Variants in F5 observed in about 807,000 individuals in gnomAD.
F5 encodes the protein activated protein c cofactor.
F5 carries 138 observed loss-of-function variants against 216.4 expected under a neutral mutation model. The observed-to-expected ratio is 0.64, with a 90% CI of 0.56 to 0.73. The LOEUF (loss-of-function observed/expected upper bound fraction) is 0.73, where lower values mean the gene tolerates loss of function less well. Among genes scored for constraint, F5 ranks in the 30% least tolerant of loss-of-function variants. F5 has a pLI of 0.00. For synonymous variants in F5, 916 were observed against 930.7 expected (o/e 0.98, Z 0.29); for missense variants, 2,403 against 2,674.0 (o/e 0.90, Z 2.24).
intron 2 of F5, 149 bp downstream of exon 2, chr1:169,582,282 G>A (rs1414609624): frequency 2.0e-6 from 1 of 504,054 alleles, no homozygotes; most frequent in African/African-American, 2.0e-5. Context: ...TTTGCACTGG[G>A]CCCCACATAT....
intron 3 of F5, 55 bp downstream of exon 3, chr1:169,572,165 TG>T: frequency 1.3e-6 from 2 of 1,550,446 alleles, no homozygotes. Flanking sequence ...ATGTTGATGC[TG>T]GTATTAAAGA....
chr1:169,581,666 C>A (rs1660989229), intron 2 of F5, among the ~76,000 whole-genome samples: 1 of 152,208 alleles, frequency 6.6e-6, no homozygotes, highest in South Asian at 2.1e-4. Flanking sequence ...CAAGGGGATT[C>A]AACTGGAGGA....
Position 169,542,629 on chromosome 1 carries a change from T to C in F5, c.2461A>G (p.Asn821Asp). The change falls in exon 13 of 25, where the codon AAT (asparagine) becomes GAT (aspartate). Residue 821 changes from asparagine (N) to aspartate (D), a missense_variant. Around this residue, in one of 4 missense-constraint regions of F5, gnomAD observed 1,425 missense variants for 1,554.8 expected, o/e 0.92. Transcript: ENST00000367797. Reference protein sequence around the residue: ...RHLIGKNSVLNSSTAEHSSPY... With the variant: ...RHLIGKNSVLDSSTAEHSSPY... ...CTGGAATGCTCTGCTGTGGAAGAAT[T>C]GAGAACTGAGTTCTTGCCAATGAGG... 1 of 1,614,072 alleles carries C rather than the reference T, an allele frequency of 6.2e-7. No individual in the cohort carries two copies. The highest frequency in any genetic ancestry group is 2.2e-5 in the East Asian group (1 of 44,888).
chr1:169,518,155 A>T (rs1659201803), intron 23 of F5, among the ~76,000 whole-genome samples: 1 of 152,198 alleles, frequency 6.6e-6, no homozygotes, highest in Non-Finnish European at 1.5e-5. Context: ...CTTTGCAGAA[A>T]AATTAATTTG....
chr1:169,570,411 C>T (rs1318618283), intron 3 of F5, among the ~76,000 whole-genome samples: 10 of 152,128 alleles, frequency 6.6e-5, no homozygotes, highest in Non-Finnish European at 1.5e-4. Context: ...ATGCAGTCGT[C>T]TAGAAGCCTC....
rs1393410030 is a variant in F5, at chr1:169,544,276, G to A, written c.1975+20C>T. ...AATTCAAAGCAAGCTTCCTCTGTGA[G>A]TGTCCAGACTCTTACTCACCAACAT... On this transcript the variant is annotated intron_variant, in intron 12 of 24. Coordinates refer to ENST00000367797, the MANE Select transcript of F5 (RefSeq NM_000130.5). 1.2e-6 allele frequency: 2 copies of A among 1,606,078 alleles called. No individual in the cohort carries two copies. The highest frequency in any genetic ancestry group is 1.7e-5 in the Admixed American group (1 of 59,982).
intron 19 of F5, 111 bp from the exon 20 acceptor site, chr1:169,524,015 G>A: frequency 2.2e-6 from 2 of 892,164 alleles, no homozygotes; most frequent in Non-Finnish European, 3.7e-6. Context: ...CTGTGTTGTA[G>A]TCAGGAGTCT....
At chr1:169,516,781 T>C (rs2101802473) in intron 23 of F5, among the ~76,000 whole-genome samples, 1 of 152,318 alleles carries the variant, frequency 6.6e-6, no homozygotes, top group South Asian at 2.1e-4. Context: ...AAAGAGACCA[T>C]ATAAAGACAT....
At position 169,561,843 on chromosome 1, in the gene F5, A is replaced by C. The variant is rs75572965; in HGVS notation, c.374-1077T>G. 3.5e-3 allele frequency among the ~76,000 whole-genome samples: 527 copies of C among 152,160 alleles called. 6 individuals carry two copies. The highest frequency in any genetic ancestry group is 5.8e-3 in the Non-Finnish European group (397 of 67,972). On this transcript the variant is annotated intron_variant, in intron 3 of 24. Coordinates refer to ENST00000367797, the MANE Select transcript of F5 (RefSeq NM_000130.5). ...ACATGATGGGGTAAAAGGCCAATAAAACTCCTCTTACTGAAGCAACTACAC... is the reference window on the plus strand; with the variant it reads ...ACATGATGGGGTAAAAGGCCAATAACACTCCTCTTACTGAAGCAACTACAC...
rs1206970808 is a variant in F5 at position 169,514,167 on chromosome 1, T to C, written c.*146A>G. ...AGCAAGGAGTTACATTATAAAAGCTTCTTGTATAAAATTTTATTCACTAAT... is the reference window on the plus strand; with the variant it reads ...AGCAAGGAGTTACATTATAAAAGCTCCTTGTATAAAATTTTATTCACTAAT... On this transcript the variant is annotated 3_prime_UTR_variant, in exon 25 of 25. Coordinates refer to ENST00000367797, the MANE Select transcript of F5 (RefSeq NM_000130.5). 3 of 785,144 alleles carry C rather than the reference T, an allele frequency of 3.8e-6. No homozygotes were observed. Among genetic ancestry groups the C allele is most frequent in the Non-Finnish European group, 6.3e-6 (3 of 479,768 alleles). The allele number at this position is 785,144 out of a possible 1,614,324, so 48.6% of individuals were successfully genotyped here.
intron 24 of F5, 115 bp from the exon 25 acceptor site, chr1:169,514,574 A>G: frequency 1.2e-6 from 1 of 852,176 alleles, no homozygotes; most frequent in Middle Eastern, 3.1e-4. Context: ...GTCCAGTGGC[A>G]CAGTCATGGC....
At chr1:169,527,860 T>G (rs199880700) in intron 17 of F5, 55 bp downstream of exon 17, 1 of 1,596,976 alleles carries the variant, frequency 6.3e-7, no homozygotes, top group Non-Finnish European at 8.6e-7. Context: ...GAGTTACAGA[T>G]TGCCTTTTCC....
intron 16 of F5, among the ~76,000 whole-genome samples, chr1:169,528,965 T>C (rs919385048): frequency 6.6e-6 from 1 of 152,172 alleles, no homozygotes; most frequent in Non-Finnish European, 1.5e-5. Flanking sequence ...TATCTACATA[T>C]TCATAACACA....
intron 5 of F5, among the ~76,000 whole-genome samples, chr1:169,558,119 A>G (rs1660374030): frequency 6.6e-6 from 1 of 152,190 alleles, no homozygotes; most frequent in African/African-American, 2.4e-5. Context: ...CAGGAAATAG[A>G]TGTTAGGATA....
chr1:169,551,122 T>G (rs1201405481), intron 8 of F5, among the ~76,000 whole-genome samples: 2 of 152,166 alleles, frequency 1.3e-5, no homozygotes. Flanking sequence ...CCCCTTCCCC[T>G]GCCCGGTAGA....
At chr1:169,555,080 G>A (rs2101829064) in intron 7 of F5, 102 bp downstream of exon 7, 2 of 1,290,754 alleles carry the variant, frequency 1.5e-6, no homozygotes, top group East Asian at 4.6e-5. Flanking sequence ...CAATACATGT[G>A]TCCCCTTGAG....
At chr1:169,576,256 G>A (rs1412437231) in intron 2 of F5, among the ~76,000 whole-genome samples, 1 of 152,152 alleles carries the variant, frequency 6.6e-6, no homozygotes, top group East Asian at 1.9e-4. Context: ...CAGAAGCAAT[G>A]GTAAACTCTG....
intron 16 of F5, 39 bp downstream of exon 16, chr1:169,529,569 A>G (rs1341130216): frequency 6.4e-7 from 1 of 1,557,290 alleles, no homozygotes; most frequent in South Asian, 1.1e-5. Context: ...ACCCAGTGTG[A>G]TTTAATTAGG....
intron 15 of F5, 133 bp downstream of exon 15, chr1:169,530,653 A>T: frequency 1.2e-6 from 1 of 812,020 alleles, no homozygotes; most frequent in Non-Finnish European, 2.1e-6. Context: ...GCAGACTGTT[A>T]ACCACACCCT....
Sources: gnomAD v4.1 joint callset for allele counts (sites outside exome capture counted in the v4.1 genomes callset) on GRCh38, gnomAD v4.1.1 for gene constraint, gnomAD v4.1.1 regional missense constraint, MANE v1.5 for transcripts, NCBI Gene and HGNC (gene_info 2026-07-23, HGNC 2026-07-21) for gene names.